EPM2A: variants seen among roughly 807,000 people sequenced by gnomAD.
The protein encoded by EPM2A is laforin.
A neutral mutation model predicts 26.5 loss-of-function variants in EPM2A; 21 were observed. The ratio of observed to expected loss-of-function variants is 0.79; its 90% CI spans 0.56 to 1.14. EPM2A has a LOEUF of 1.14. Among genes scored for constraint, EPM2A ranks in the 50% most tolerant of loss-of-function variants. EPM2A has a pLI of 0.00. For missense variants in EPM2A, 458 were observed against 440.8 expected, an observed-to-expected ratio of 1.04 and a Z score of -0.35; for synonymous variants, 217 against 177.6, an observed-to-expected ratio of 1.22 and a Z score of -1.76.
intron 1 of EPM2A, among the ~76,000 whole-genome samples, chr6:145,724,018 CCAGA>C (rs1465775211): frequency 1.3e-5 from 2 of 152,056 alleles, no homozygotes; most frequent in Non-Finnish European, 2.9e-5. Flanking sequence ...TTAGTCTCCA[CCAGA>C]CAAAGTGAGG....
intron 2 of EPM2A, among the ~76,000 whole-genome samples, chr6:145,507,533 G>C (rs1330395889): frequency 6.6e-6 from 1 of 152,190 alleles, no homozygotes; most frequent in Non-Finnish European, 1.5e-5. Context: ...CTGAGAGATA[G>C]AGAGATGGAG....
At chr6:145,552,524 C>A (rs1393043222) in intron 2 of EPM2A, among the ~76,000 whole-genome samples, 1 of 151,898 alleles carries the variant, frequency 6.6e-6, no homozygotes, top group Non-Finnish European at 1.5e-5. Flanking sequence ...CAGATTTAGA[C>A]AAAAATGAAT....
intron 2 of EPM2A, among the ~76,000 whole-genome samples, chr6:145,583,588 G>A (rs546893947): frequency 1.3e-5 from 2 of 152,182 alleles, no homozygotes; most frequent in Non-Finnish European, 2.9e-5. Flanking sequence ...CGGGCGGGGT[G>A]GGGTGTGCCA....
At chr6:145,653,340 G>A (rs902199531) in intron 2 of EPM2A, among the ~76,000 whole-genome samples, 1 of 152,174 alleles carries the variant, frequency 6.6e-6, no homozygotes, top group Non-Finnish European at 1.5e-5. Flanking sequence ...TCTCTCACCT[G>A]CTGCCATGTA....
At chr6:145,612,358 T>C (rs1391115986) in intron 2 of EPM2A, among the ~76,000 whole-genome samples, 1 of 152,252 alleles carries the variant, frequency 6.6e-6, no homozygotes, top group East Asian at 1.9e-4. Context: ...AGAGTAAAGT[T>C]TGTTCAAAAA....
Position 145,625,805 on chromosome 6 carries a change from T to C in EPM2A, c.*1611A>G, listed in dbSNP as rs1337413598. 6 of 1,527,234 alleles carry C rather than the reference T, an allele frequency of 3.9e-6. No individual in the cohort carries two copies. In the Admixed American group the frequency reaches 1.1e-4, roughly 29 times the overall value. The allele number at this position is 1,527,234 out of a possible 1,614,324, so 94.6% of individuals were successfully genotyped here. A position where few individuals can be genotyped will look rare whatever the true frequency, so the allele number is the denominator to read the frequency against. On this transcript the variant is annotated 3_prime_UTR_variant, in exon 4 of 4. Transcript: ENST00000367519. The stretch of plus-strand genomic sequence containing the variant: ...CTCTGAGCTCCACTGAAACTTACCT[T>C]GTATCCTTCTTGTCCCCCACGCCTT...
intron 1 of EPM2A, among the ~76,000 whole-genome samples, chr6:145,710,692 T>A (rs1432996176): frequency 6.6e-6 from 1 of 152,140 alleles, no homozygotes; most frequent in Non-Finnish European, 1.5e-5. Context: ...TGCGGCATTA[T>A]TCACAATAGC....
chr6:145,730,125 G>A (rs1212637764), intron 1 of EPM2A, among the ~76,000 whole-genome samples: 2 of 152,046 alleles, frequency 1.3e-5, no homozygotes, highest in South Asian at 2.1e-4. Flanking sequence ...CATGTTTCCT[G>A]TACAGCTTGT....
rs148514523 is a variant in EPM2A, at chr6:145,693,797, T to A, written c.302-7501A>T. 3.3e-3 allele frequency among the ~76,000 whole-genome samples: 508 copies of A among 152,164 alleles called. 1 individual carries two copies. Among genetic ancestry groups the A allele is most frequent in the African/African-American group, 0.01 (428 of 41,572 alleles). On this transcript the variant is annotated intron_variant, in intron 1 of 3. Coordinates refer to ENST00000367519, the MANE Select transcript of EPM2A (RefSeq NM_005670.4). ...GTAGAAAAGTAGAAAATTATTGGTT[T>A]AATTAACAAAAACATCTATTTCTTC...
chr6:145,673,806 C>T (rs1779826380), intron 2 of EPM2A, among the ~76,000 whole-genome samples: 2 of 152,182 alleles, frequency 1.3e-5, no homozygotes, highest in South Asian at 4.1e-4. Flanking sequence ...CCCACTGCAG[C>T]TCAGCTTGGC....
chr6:145,735,634 C>CGCCTTCTTTGGG, upstream of EPM2A: 1 of 1,082,438 alleles, frequency 9.2e-7, no homozygotes, highest in Non-Finnish European at 1.1e-6. Context: ...TGCTGTTCTG[C>CGCCTTCTTTGGG]GCCTTCTTTG....
intron 2 of EPM2A, among the ~76,000 whole-genome samples, chr6:145,577,317 A>C (rs1337785938): frequency 6.7e-6 from 1 of 150,210 alleles, no homozygotes; most frequent in Non-Finnish European, 1.5e-5. Flanking sequence ...ATAAAGACAC[A>C]TAGACTGAAA....
chr6:145,534,578 G>C (rs9497340), intron 2 of EPM2A, among the ~76,000 whole-genome samples: 2 of 152,174 alleles, frequency 1.3e-5, no homozygotes, highest in Admixed American at 1.3e-4. Flanking sequence ...GCAATGAAAG[G>C]TTCAGTCAAT....
At chr6:145,450,347 T>C (rs1779180373) in intron 4 of EPM2A, among the ~76,000 whole-genome samples, 1 of 107,656 alleles carries the variant, frequency 9.3e-6, no homozygotes, top group Non-Finnish European at 1.8e-5. Flanking sequence ...TGAGACTCCG[T>C]CTCAAAAAAA....
chr6:145,432,684 C>T (rs1778937633), intron 4 of EPM2A, among the ~76,000 whole-genome samples: 1 of 152,154 alleles, frequency 6.6e-6, no homozygotes, highest in South Asian at 2.1e-4. Context: ...TTGTCTTCAA[C>T]TTAAAGCCAC....
chr6:145,643,189 C>A (rs950787164), intron 2 of EPM2A, among the ~76,000 whole-genome samples: 2 of 152,096 alleles, frequency 1.3e-5, no homozygotes, highest in African/African-American at 4.8e-5. Flanking sequence ...GTTACTAAAG[C>A]AGTATGATAA....
intron 4 of EPM2A, among the ~76,000 whole-genome samples, chr6:145,483,575 T>G (rs1779635810): frequency 6.6e-6 from 1 of 152,132 alleles, no homozygotes; most frequent in African/African-American, 2.4e-5. Flanking sequence ...CTCATACTGT[T>G]GAGGAAGTGA....
intron 2 of EPM2A, among the ~76,000 whole-genome samples, chr6:145,653,984 GATTT>G (rs1313877256): frequency 3.9e-5 from 6 of 152,106 alleles, no homozygotes; most frequent in Non-Finnish European, 8.8e-5. Flanking sequence ...ATCTTGTCTA[GATTT>G]ATTTAATTTA....
intron 2 of EPM2A, among the ~76,000 whole-genome samples, chr6:145,661,788 G>C (rs1405825736): frequency 6.6e-6 from 1 of 152,002 alleles, no homozygotes; most frequent in African/African-American, 2.4e-5. Flanking sequence ...AATGGCTCTT[G>C]AAACCCCCTC....
Sources: allele counts gnomAD v4.1 joint callset (sites outside exome capture counted in the v4.1 genomes callset), GRCh38; gene constraint gnomAD v4.1.1; transcripts MANE v1.5; gene names NCBI Gene and HGNC (gene_info 2026-07-23, HGNC 2026-07-21).